RBFOX1: variants seen among roughly 807,000 people sequenced by gnomAD.
RBFOX1 encodes the protein RNA binding fox-1 homolog 1, also known as RNA binding protein fox-1 homolog 1.
Under a neutral mutation model 57.7 loss-of-function variants are expected in RBFOX1, and 8 were observed. That is an observed-to-expected ratio of 0.14 (90% CI 0.08 to 0.25). RBFOX1 has a LOEUF of 0.25. RBFOX1 is among the 10% of genes least tolerant of loss of function. The probability of loss-of-function intolerance (pLI) is 1.00; values close to 1 mark genes in which losing one functional copy is unlikely to be tolerated. For synonymous variants in RBFOX1, 326 were observed against 222.4 expected (o/e 1.47, Z -4.15); for missense variants, 611 against 548.5 (o/e 1.11, Z -1.14).
intron 1 of RBFOX1, among the ~76,000 whole-genome samples, chr16:5,263,290 T>G (rs980135558): frequency 3.3e-5 from 5 of 152,132 alleles, no homozygotes; most frequent in African/African-American, 9.7e-5. Flanking sequence ...AAATAATTGC[T>G]GTTTTTGCCA....
intron 3 of RBFOX1, among the ~76,000 whole-genome samples, chr16:6,723,359 T>TATAGC (rs199655714): frequency 0.015 from 2,297 of 152,234 alleles, 70 homozygotes; most frequent in African/African-American, 0.052. Flanking sequence ...TAACATTGAG[T>TATAGC]ATAGCATGCA....
chr16:5,639,545 A>G (rs1596545152), intron 3 of RBFOX1, among the ~76,000 whole-genome samples: 1 of 152,108 alleles, frequency 6.6e-6, no homozygotes, highest in African/African-American at 2.4e-5. Context: ...CTTCCCTTTT[A>G]GAGGGAGCAA....
chr16:6,403,444 G>T (rs1461674942), intron 2 of RBFOX1, among the ~76,000 whole-genome samples: 5 of 152,130 alleles, frequency 3.3e-5, no homozygotes, highest in Middle Eastern at 3.4e-3. Flanking sequence ...ACTCATTGCA[G>T]CCTGGACCAC....
At chr16:7,680,460 C>G (rs554600422) in intron 14 of RBFOX1, among the ~76,000 whole-genome samples, 61 of 152,228 alleles carry the variant, frequency 4.0e-4, no homozygotes, top group Non-Finnish European at 7.9e-4. Context: ...CCCTCCACGT[C>G]AGGGCTGAAA....
chr16:6,935,092 A>G (rs1183047265), intron 3 of RBFOX1, among the ~76,000 whole-genome samples: 1 of 149,504 alleles, frequency 6.7e-6, no homozygotes, highest in Non-Finnish European at 1.5e-5. Flanking sequence ...CCCATCTCGG[A>G]AAAAAAAAAG....
chr16:6,939,284 T>C (rs941742637), intron 3 of RBFOX1, among the ~76,000 whole-genome samples: 1 of 152,144 alleles, frequency 6.6e-6, no homozygotes, highest in East Asian at 1.9e-4. Context: ...ATATGAGTCA[T>C]TATTTTGGGC....
chr16:7,542,718 A>G (rs2083288566), intron 5 of RBFOX1, among the ~76,000 whole-genome samples: 1 of 149,348 alleles, frequency 6.7e-6, no homozygotes, highest in African/African-American at 2.5e-5. Flanking sequence ...AAAAAAAAAA[A>G]AAGCCAGGCA....
chr16:5,720,818 A>G (rs1242884892), intron 3 of RBFOX1, among the ~76,000 whole-genome samples: 2 of 152,218 alleles, frequency 1.3e-5, no homozygotes, highest in Admixed American at 6.5e-5. Flanking sequence ...GTACCATACT[A>G]TCTTCATCAC....
rs140707802 is a variant in RBFOX1, at chr16:6,034,794, AC to A, written c.-127+14805del. Among the ~76,000 whole-genome samples the A allele has an allele frequency of 3.3e-3, 495 of 152,098 alleles. 5 individuals are homozygous for A. Among genetic ancestry groups the A allele is most frequent in the African/African-American group, 0.011 (473 of 41,494 alleles). On this transcript the variant is annotated intron_variant, in intron 1 of 15. Coordinates refer to ENST00000550418, the MANE Select transcript of RBFOX1 (RefSeq NM_018723.4). Reference sequence around the variant, plus strand: ...CGTTCACATCTTTGTCCTCATAACAACCCTGTGGAGTAGACCCTGCTCTCAT... The same window carrying A: ...CGTTCACATCTTTGTCCTCATAACAACCTGTGGAGTAGACCCTGCTCTCAT...
chr16:5,327,291 A>T (rs779004056), intron 1 of RBFOX1, among the ~76,000 whole-genome samples: 2 of 152,026 alleles, frequency 1.3e-5, no homozygotes, highest in Non-Finnish European at 2.9e-5. Context: ...CTGCCTCTCT[A>T]TTGAGTCTGT....
intron 3 of RBFOX1, among the ~76,000 whole-genome samples, chr16:7,001,011 C>G (rs942318236): frequency 2.0e-5 from 3 of 152,166 alleles, no homozygotes; most frequent in Non-Finnish European, 2.9e-5. Flanking sequence ...ATTACCATCA[C>G]TCCTTTTTCA....
intron 2 of RBFOX1, among the ~76,000 whole-genome samples, chr16:6,621,376 A>G (rs2098228707): frequency 6.6e-6 from 1 of 152,298 alleles, no homozygotes; most frequent in Non-Finnish European, 1.5e-5. Context: ...AGGCAGGAGA[A>G]TGGCGTGAAC....
intron 2 of RBFOX1, among the ~76,000 whole-genome samples, chr16:6,408,953 C>G (rs1458861017): frequency 6.6e-6 from 1 of 152,164 alleles, no homozygotes. Flanking sequence ...CGTTTTACCA[C>G]CCCTTCTGTG....
chr16:7,587,059 C>T (rs1286217898), intron 6 of RBFOX1, among the ~76,000 whole-genome samples, 188 bp from the exon 7 acceptor site: 2 of 152,104 alleles, frequency 1.3e-5, no homozygotes, highest in Non-Finnish European at 2.9e-5. Context: ...CCGGTATATT[C>T]CATAATAAGG....
intron 3 of RBFOX1, among the ~76,000 whole-genome samples, chr16:6,676,777 G>A (rs952287304): frequency 5.4e-5 from 8 of 148,056 alleles, no homozygotes; most frequent in African/African-American, 2.0e-4. Flanking sequence ...CCAGGTTGAA[G>A]CATTTCTCCT....
intron 2 of RBFOX1, among the ~76,000 whole-genome samples, chr16:6,323,121 G>C (rs2152791722): frequency 6.6e-6 from 1 of 152,312 alleles, no homozygotes; most frequent in African/African-American, 2.4e-5. Flanking sequence ...GAGAGAGAAA[G>C]AGAAGGCAGA....
At chr16:5,742,111 C>G (rs1430283933) in intron 3 of RBFOX1, among the ~76,000 whole-genome samples, 1 of 152,186 alleles carries the variant, frequency 6.6e-6, no homozygotes, top group Non-Finnish European at 1.5e-5. Flanking sequence ...TAAGGATTTT[C>G]AGAGTGATAG....
chr16:5,725,851 A>G (rs76349714), intron 3 of RBFOX1, among the ~76,000 whole-genome samples: 1,956 of 151,910 alleles, frequency 0.013, 49 homozygotes, highest in African/African-American at 0.044. Flanking sequence ...CTTGGTTGGC[A>G]CTGGCATGAG....
intron 4 of RBFOX1, among the ~76,000 whole-genome samples, chr16:5,921,794 G>A (rs557125210): frequency 5.3e-5 from 8 of 152,156 alleles, no homozygotes; most frequent in African/African-American, 1.9e-4. Flanking sequence ...GAGAGCAGGT[G>A]CATGACATGG....
Sources: allele counts gnomAD v4.1 joint callset (sites outside exome capture counted in the v4.1 genomes callset), GRCh38; gene constraint gnomAD v4.1.1; transcripts MANE v1.5; gene names NCBI Gene and HGNC (gene_info 2026-07-23, HGNC 2026-07-21).